The following C1orf21 variants were observed in gnomAD, a reference collection of about 807,000 sequenced individuals.
The protein encoded by C1orf21 is chromosome 1 open reading frame 21.
C1orf21 carries 3 observed loss-of-function variants against 18.7 expected under a neutral mutation model. The observed-to-expected ratio is 0.16, with a 90% CI of 0.07 to 0.42. The LOEUF is 0.42. C1orf21 is among the 10% of genes least tolerant of loss of function. The pLI is 0.99. For missense variants in C1orf21, 104 were observed against 143.6 expected, an observed-to-expected ratio of 0.72 and a Z score of 1.41; for synonymous variants, 41 against 46.4, an observed-to-expected ratio of 0.88 and a Z score of 0.47.
intron 1 of C1orf21, among the ~76,000 whole-genome samples, chr1:184,463,514 G>T (rs1231947663): frequency 6.6e-6 from 1 of 152,072 alleles, no homozygotes; most frequent in Non-Finnish European, 1.5e-5. Flanking sequence ...ATTTCCGTAG[G>T]TTTCTCATCT....
chr1:184,517,835 C>G (rs1658252343), intron 3 of C1orf21, among the ~76,000 whole-genome samples: 3 of 152,142 alleles, frequency 2.0e-5, no homozygotes, highest in Admixed American at 2.0e-4. Flanking sequence ...GATTCATCCC[C>G]AAAGATCTCA....
At chr1:184,523,870 A>T (rs1658340929) in intron 3 of C1orf21, among the ~76,000 whole-genome samples, 1 of 152,174 alleles carries the variant, frequency 6.6e-6, no homozygotes, top group African/African-American at 2.4e-5. Flanking sequence ...CAAGCATTCC[A>T]TGAGGATAAA....
intron 1 of C1orf21, among the ~76,000 whole-genome samples, chr1:184,395,154 CTTAAT>C (rs1441860471): frequency 1.3e-5 from 2 of 152,054 alleles, no homozygotes; most frequent in Admixed American, 6.6e-5. Flanking sequence ...TTATTTTAGG[CTTAAT>C]TTATTTTATT....
rs532406544 is a variant in C1orf21 at position 184,563,999 on chromosome 1, A to G, written c.190-26740A>G. On this transcript the variant is annotated intron_variant, in intron 3 of 5. Coordinates refer to ENST00000235307, the MANE Select transcript of C1orf21 (RefSeq NM_030806.4). ...ATATCGTAAGGCTGTTGTGGTTACT[A>G]TGCACAAAGTGAATTCTCAGAGGTG... 3.3e-5 allele frequency among the ~76,000 whole-genome samples: 5 copies of G among 152,338 alleles called. No homozygotes were observed. In the East Asian group the frequency reaches 5.8e-4, roughly 18 times the overall value.
intron 2 of C1orf21, among the ~76,000 whole-genome samples, chr1:184,500,123 T>A (rs1657951806): frequency 6.6e-6 from 1 of 152,208 alleles, no homozygotes; most frequent in Admixed American, 6.5e-5. Context: ...GAATGATTAC[T>A]GTACAGCACA....
intron 5 of C1orf21, among the ~76,000 whole-genome samples, chr1:184,607,972 A>G (rs960693011): frequency 5.3e-5 from 8 of 152,150 alleles, no homozygotes; most frequent in African/African-American, 1.9e-4. Context: ...TCTGTTATAT[A>G]TTTAAATATT....
intron 5 of C1orf21, among the ~76,000 whole-genome samples, chr1:184,600,123 C>A (rs2102003173): frequency 6.6e-6 from 1 of 152,152 alleles, no homozygotes; most frequent in Non-Finnish European, 1.5e-5. Flanking sequence ...TTTTAAACAA[C>A]ACTTACAAAC....
At chr1:184,431,433 T>C (rs1393633992) in intron 1 of C1orf21, among the ~76,000 whole-genome samples, 1 of 152,158 alleles carries the variant, frequency 6.6e-6, no homozygotes, top group African/African-American at 2.4e-5. Context: ...AAACTGAAAC[T>C]GGACCCCTTC....
intron 1 of C1orf21, among the ~76,000 whole-genome samples, chr1:184,447,505 C>T (rs1430141708): frequency 2.0e-5 from 3 of 152,136 alleles, no homozygotes; most frequent in Non-Finnish European, 4.4e-5. Context: ...CTCTTTATCT[C>T]CACCTAACAA....
At chr1:184,411,628 T>C (rs921585134) in intron 1 of C1orf21, among the ~76,000 whole-genome samples, 1 of 152,150 alleles carries the variant, frequency 6.6e-6, no homozygotes, top group Non-Finnish European at 1.5e-5. Context: ...TTCACTGTGT[T>C]AGCCAGGATG....
intron 1 of C1orf21, among the ~76,000 whole-genome samples, chr1:184,453,131 C>T (rs1657147085): frequency 2.0e-5 from 3 of 152,158 alleles, no homozygotes. Flanking sequence ...CATACTACAG[C>T]CCACATCACT....
At chr1:184,593,297 A>C (rs940614202) in intron 4 of C1orf21, among the ~76,000 whole-genome samples, 2 of 146,240 alleles carry the variant, frequency 1.4e-5, no homozygotes, top group Non-Finnish European at 3.0e-5. Flanking sequence ...GTGTGTGTAC[A>C]CACACATGTG....
At chr1:184,605,141 T>C (rs1274057849) in intron 5 of C1orf21, among the ~76,000 whole-genome samples, 2 of 152,204 alleles carry the variant, frequency 1.3e-5, no homozygotes, top group Admixed American at 6.5e-5. Context: ...TCTCATTCCC[T>C]TGACTAGTTC....
At chr1:184,484,163 A>G (rs956684776) in intron 2 of C1orf21, among the ~76,000 whole-genome samples, 3 of 152,024 alleles carry the variant, frequency 2.0e-5, no homozygotes, top group Non-Finnish European at 4.4e-5. Context: ...TCTTAACCTC[A>G]GGTGATCCAC....
At chr1:184,404,806 A>G (rs1192216455) in intron 1 of C1orf21, among the ~76,000 whole-genome samples, 2 of 152,162 alleles carry the variant, frequency 1.3e-5, no homozygotes, top group African/African-American at 4.8e-5. Context: ...GTGCCATTAA[A>G]CAGTCACTCT....
At chr1:184,448,716 C>T (rs1172688348) in intron 1 of C1orf21, among the ~76,000 whole-genome samples, 1 of 152,088 alleles carries the variant, frequency 6.6e-6, no homozygotes, top group African/African-American at 2.4e-5. Context: ...AGGGAGACCA[C>T]GGGGCTTCTT....
chr1:184,524,068 A>G (rs1658344532), intron 3 of C1orf21, among the ~76,000 whole-genome samples: 1 of 152,162 alleles, frequency 6.6e-6, no homozygotes, highest in Admixed American at 6.5e-5. Flanking sequence ...ATAAACAACT[A>G]GTATCTTTTT....
At chr1:184,484,921 T>A (rs1011221244) in intron 2 of C1orf21, among the ~76,000 whole-genome samples, 8 of 148,140 alleles carry the variant, frequency 5.4e-5, no homozygotes, top group South Asian at 2.2e-4. Flanking sequence ...TGTGTGTGTG[T>A]GATGGTGTTA....
intron 5 of C1orf21, among the ~76,000 whole-genome samples, chr1:184,614,629 T>C (rs1329772241): frequency 6.6e-6 from 1 of 152,160 alleles, no homozygotes; most frequent in Non-Finnish European, 1.5e-5. Context: ...ATTACATTTA[T>C]TGTGCACTTA....
Sources: allele counts gnomAD v4.1 joint callset (sites outside exome capture counted in the v4.1 genomes callset), GRCh38; gene constraint gnomAD v4.1.1; transcripts MANE v1.5; gene names NCBI Gene and HGNC (gene_info 2026-07-23, HGNC 2026-07-21).